The following USP10 variants were observed in gnomAD, a reference collection of about 807,000 sequenced individuals.
The protein encoded by USP10 is ubiquitin carboxyl-terminal hydrolase 10.
In USP10, 22 loss-of-function variants were observed where a neutral mutation model predicts 84.5. The ratio of observed to expected loss-of-function variants is 0.26; its 90% confidence interval spans 0.19 to 0.37. USP10 has a LOEUF of 0.37. USP10 is among the 10% of genes least tolerant of loss of function. The pLI is 1.00. For synonymous variants in USP10, 454 were observed against 387.6 expected, an observed-to-expected ratio of 1.17 and a Z score of -2.01; for missense variants, 1,019 against 998.9, an observed-to-expected ratio of 1.02 and a Z score of -0.27.
Position 84,779,042 on chromosome 16 carries a change from C to T in USP10, c.2357C>T (p.Thr786Ile), listed in dbSNP as rs745785536. ...GTGGTGAAACCAACTGCTGAACGCA[C>T]AGCCTACCTCCTGTATTACCGCCGA... ...YQVVKPTAER[T>I]AYLLYYRRVD... The change falls in exon 14 of 14, where the codon ACA (threonine) becomes ATA (isoleucine). Residue 786 changes from threonine (T) to isoleucine (I), a missense_variant. Thr to Ile is a moderately conservative substitution (Grantham distance 89, BLOSUM62 -1). Transcript: ENST00000219473. The T allele has an allele frequency of 1.2e-6, 2 of 1,614,012 alleles. No individual in the cohort carries two copies. The highest frequency in any genetic ancestry group is 1.1e-5 in the South Asian group (1 of 91,078).
At chr16:84,757,393 AGGGGTG>A (rs762960741) in intron 4 of USP10, among the ~76,000 whole-genome samples, 2,701 of 96,118 alleles carry the variant, frequency 0.028, 37 homozygotes, top group Admixed American at 0.042. Flanking sequence ...AGGGAATGAG[AGGGGTG>A]GGGGTGTGTG....
chr16:84,717,433 C>T (rs1275691323), intron 1 of USP10, among the ~76,000 whole-genome samples: 1 of 152,174 alleles, frequency 6.6e-6, no homozygotes, highest in Non-Finnish European at 1.5e-5. Context: ...GTCCTCCTTC[C>T]CTGACCCCAG....
At chr16:84,767,096 T>C (rs1289992324) in intron 10 of USP10, among the ~76,000 whole-genome samples, 13 of 152,076 alleles carry the variant, frequency 8.5e-5, no homozygotes, top group Admixed American at 8.5e-4. Flanking sequence ...GTCTTCAAAC[T>C]GTAAAGGAGC....
At chr16:84,719,020 G>C (rs761886181) in intron 1 of USP10, among the ~76,000 whole-genome samples, 1 of 151,972 alleles carries the variant, frequency 6.6e-6, no homozygotes, top group Non-Finnish European at 1.5e-5. Context: ...TCGAACTCCT[G>C]ACCTCAAATG....
At position 84,779,277 on chromosome 16, in the gene USP10, T is replaced by G. The variant is rs1175238272; in HGVS notation, c.*195T>G. On this transcript the variant is annotated 3_prime_UTR_variant, in exon 14 of 14. Transcript: ENST00000219473. ...GTTGACTCTAACTTCCAAATCAAAA[T>G]CATTTGGTTGAAACAGACTGTTGCT... 7.3e-6 allele frequency: 4 copies of G among 546,440 alleles called. No homozygotes were observed. The highest frequency in any genetic ancestry group is 1.3e-5 in the Non-Finnish European group (4 of 319,694). 33.8% of individuals were successfully genotyped at this position (546,440 alleles called of 1,614,324 possible).
intron 1 of USP10, among the ~76,000 whole-genome samples, chr16:84,727,347 A>T (rs1261023167): frequency 4.6e-5 from 7 of 152,190 alleles, no homozygotes; most frequent in Non-Finnish European, 1.0e-4. Flanking sequence ...CTCATGTGAC[A>T]GCCTTTGAAA....
intron 1 of USP10, among the ~76,000 whole-genome samples, chr16:84,726,425 T>G (rs1908487446): frequency 6.6e-6 from 1 of 152,196 alleles, no homozygotes; most frequent in African/African-American, 2.4e-5. Flanking sequence ...GGAACACTGG[T>G]TTTCCCACTT....
At chr16:84,751,386 G>T (rs1911915556) in intron 4 of USP10, among the ~76,000 whole-genome samples, 1 of 152,084 alleles carries the variant, frequency 6.6e-6, no homozygotes, top group Admixed American at 6.5e-5. Context: ...CCGCTCCTTG[G>T]GGGAAATGGT....
chr16:84,703,470 G>C (rs1905136025), intron 1 of USP10, among the ~76,000 whole-genome samples: 1 of 152,128 alleles, frequency 6.6e-6, no homozygotes, highest in African/African-American at 2.4e-5. Flanking sequence ...GGAAAGTCTT[G>C]GATTCCCCCT....
At chr16:84,754,874 C>T (rs1912341049) in intron 4 of USP10, among the ~76,000 whole-genome samples, 1 of 152,108 alleles carries the variant, frequency 6.6e-6, no homozygotes, top group Admixed American at 6.5e-5. Flanking sequence ...GGCACAGTGG[C>T]TCACACCTGT....
At chr16:84,759,153 G>C (rs997336811) in intron 5 of USP10, 1 of 600,578 alleles carries the variant, frequency 1.7e-6, no homozygotes, top group East Asian at 2.8e-5. Flanking sequence ...GAATACAAAC[G>C]ACTGACTGCT....
chr16:84,740,286 T>A, intron 2 of USP10, 23 bp from the exon 3 acceptor site: 1 of 1,601,170 alleles, frequency 6.2e-7, no homozygotes. Context: ...GAATTAAAAT[T>A]TGTTTTCTGA....
rs376175235 is a variant in USP10, at chr16:84,754,381, A to G, written c.1193-4335A>G. Among the ~76,000 whole-genome samples, 10 of 152,300 alleles carry G rather than the reference A, an allele frequency of 6.6e-5. 1 individual carries two copies. Among genetic ancestry groups the G allele is most frequent in the Admixed American group, 5.2e-4 (8 of 15,302 alleles). ...GTATTTTCCAAGTCTGAAAAGGTTT[A>G]TTCTGCGTTTAACGACGTCGTACCA... On this transcript the variant is annotated intron_variant, in intron 4 of 13. Coordinates refer to ENST00000219473, the MANE Select transcript of USP10 (RefSeq NM_005153.3).
intron 11 of USP10, among the ~76,000 whole-genome samples, chr16:84,770,246 C>G (rs1339090776): frequency 6.6e-6 from 1 of 152,066 alleles, no homozygotes; most frequent in Non-Finnish European, 1.5e-5. Flanking sequence ...CTTTCAACAG[C>G]AGATGTTTCA....
chr16:84,741,760 A>G lies in USP10; in HGVS notation c.151+1391A>G, dbSNP rs183262385. The stretch of plus-strand genomic sequence containing the variant: ...GCTTTTCTCTGCAGCCTTTCTGGGT[A>G]TCTTGTGTTTCCATGACATTAGTTT... On this transcript the variant is annotated intron_variant, in intron 3 of 13. Transcript: ENST00000219473. Among the ~76,000 whole-genome samples the G allele has an allele frequency of 1.9e-3, 296 of 152,260 alleles. 3 individuals carry two copies. The highest frequency in any genetic ancestry group is 1.6e-3 in the Non-Finnish European group (109 of 68,028).
intron 10 of USP10, among the ~76,000 whole-genome samples, chr16:84,766,268 G>GTC (rs1045163011): frequency 2.0e-5 from 3 of 152,244 alleles, no homozygotes; most frequent in Admixed American, 2.0e-4. Flanking sequence ...CCTTGAACAA[G>GTC]TCACTTCTGT....
At chr16:84,710,366 C>T (rs1474916347) in intron 1 of USP10, among the ~76,000 whole-genome samples, 1 of 151,924 alleles carries the variant, frequency 6.6e-6, no homozygotes, top group Non-Finnish European at 1.5e-5. Context: ...TCTTTAGGCT[C>T]TCCTCCATAG....
At chr16:84,728,373 G>A (rs548565851) in intron 1 of USP10, among the ~76,000 whole-genome samples, 8 of 144,736 alleles carry the variant, frequency 5.5e-5, no homozygotes, top group African/African-American at 2.1e-4. Context: ...TTTTTTTCTC[G>A]CTGTTGCCCA....
At chr16:84,778,011 A>G (rs921301591) in intron 13 of USP10, among the ~76,000 whole-genome samples, 3 of 150,724 alleles carry the variant, frequency 2.0e-5, no homozygotes, top group Admixed American at 1.3e-4. Context: ...TAATGTTTTC[A>G]TGACATCTTC....
Sources: allele counts gnomAD v4.1 joint callset (sites outside exome capture counted in the v4.1 genomes callset), GRCh38; gene constraint gnomAD v4.1.1; transcripts MANE v1.5; gene names NCBI Gene and HGNC (gene_info 2026-07-23, HGNC 2026-07-21).